The following RIMS3 variants were observed in gnomAD, a reference collection of about 807,000 sequenced individuals.
RIMS3 encodes the protein regulating synaptic membrane exocytosis 3.
RIMS3 carries 15 observed loss-of-function variants against 29.2 expected under a neutral mutation model. The ratio of observed to expected loss-of-function variants is 0.51; its 90% CI spans 0.34 to 0.79. The LOEUF (loss-of-function observed/expected upper bound fraction) is 0.79, where lower values mean the gene tolerates loss of function less well. Ranked by LOEUF, RIMS3 falls within the 30% of genes least tolerant of loss-of-function variation. The pLI, the probability that RIMS3 is intolerant of heterozygous loss-of-function variation, is 0.01. For synonymous variants in RIMS3, 161 were observed against 170.1 expected (o/e 0.95, Z 0.41); for missense variants, 342 against 421.4 (o/e 0.81, Z 1.65).
rs373378651 is a variant in RIMS3 at position 40,633,440 on chromosome 1, T to C, written c.360-259A>G. Among the ~76,000 whole-genome samples the C allele has an allele frequency of 9.4e-4, 143 of 152,380 alleles. 2 individuals are homozygous for C. The South Asian group carries it at 0.028, about 30-fold the overall frequency. On this transcript the variant is annotated intron_variant, in intron 4 of 7. Transcript: ENST00000372684. The stretch of plus-strand genomic sequence containing the variant: ...ATACATAATGATGCTATTTAATCCT[T>C]AATGTCCAGGGACTTCTGAAGTGAC...
intron 1 of RIMS3, among the ~76,000 whole-genome samples, chr1:40,658,368 C>A (rs1642300710): frequency 6.6e-6 from 1 of 152,210 alleles, no homozygotes; most frequent in South Asian, 2.1e-4. Context: ...CAATTCCAGG[C>A]CTTTTTTCTC....
At chr1:40,644,140 T>A (rs1024214111) in intron 2 of RIMS3, among the ~76,000 whole-genome samples, 2 of 152,214 alleles carry the variant, frequency 1.3e-5, no homozygotes, top group Non-Finnish European at 2.9e-5. Context: ...ACAAAGCCAG[T>A]GCTACTGTGA....
At chr1:40,671,838 C>T in the RIMS3 span, among the ~76,000 whole-genome samples, 1 of 150,736 alleles carries the variant, frequency 6.6e-6, no homozygotes, top group Admixed American at 6.6e-5. Flanking sequence ...TCTCAGCTCA[C>T]TGCAACCTCC....
chr1:40,675,313 A>AG, the RIMS3 span, among the ~76,000 whole-genome samples: 1 of 151,468 alleles, frequency 6.6e-6, no homozygotes, highest in Non-Finnish European at 1.5e-5. Context: ...AGGTGGCAGA[A>AG]GGAGTTGAAG....
intron 1 of RIMS3, among the ~76,000 whole-genome samples, chr1:40,652,359 A>G (rs1394906501): frequency 1.3e-5 from 2 of 152,162 alleles, no homozygotes; most frequent in African/African-American, 4.8e-5. Context: ...ATTTCTAAGA[A>G]ACTTCCAAGT....
At chr1:40,661,279 C>A (rs1469974608) in intron 1 of RIMS3, among the ~76,000 whole-genome samples, 1 of 152,122 alleles carries the variant, frequency 6.6e-6, no homozygotes, top group Admixed American at 6.5e-5. Flanking sequence ...ACACAGTAAG[C>A]ACTAAATAAG....
chr1:40,684,807 T>A, the RIMS3 span, among the ~76,000 whole-genome samples: 1 of 152,200 alleles, frequency 6.6e-6, no homozygotes, highest in Non-Finnish European at 1.5e-5. Context: ...CTCCCATTGA[T>A]CAGTTTGCTC....
At chr1:40,672,246 C>T in the RIMS3 span, among the ~76,000 whole-genome samples, 1,491 of 146,610 alleles carry the variant, frequency 0.01, 14 homozygotes, top group Non-Finnish European at 0.012. Flanking sequence ...TCACCCAGGC[C>T]GGACTGCAGT....
At chr1:40,649,117 A>G (rs1322936799) in intron 1 of RIMS3, among the ~76,000 whole-genome samples, 4 of 152,290 alleles carry the variant, frequency 2.6e-5, no homozygotes, top group Non-Finnish European at 4.4e-5. Flanking sequence ...GGCAGCACAC[A>G]GCGGCGGCTC....
At chr1:40,662,229 C>G (rs994141326) in intron 1 of RIMS3, among the ~76,000 whole-genome samples, 30 of 152,160 alleles carry the variant, frequency 2.0e-4, no homozygotes, top group African/African-American at 7.2e-4. Context: ...ACACTGCCCT[C>G]CCTCTACCAC....
intron 1 of RIMS3, among the ~76,000 whole-genome samples, chr1:40,657,082 C>T (rs551507853): frequency 8.5e-5 from 13 of 152,300 alleles, no homozygotes; most frequent in African/African-American, 3.1e-4. Context: ...ATTGTCATAA[C>T]GGCCACCATC....
chr1:40,647,465 C>T (rs1646603222), intron 2 of RIMS3, among the ~76,000 whole-genome samples: 1 of 152,224 alleles, frequency 6.6e-6, no homozygotes, highest in African/African-American at 2.4e-5. Context: ...CTAAAACTGA[C>T]TTGCTGTCTC....
At chr1:40,641,592 G>C in intron 3 of RIMS3, 117 bp downstream of exon 3, 2 of 971,686 alleles carry the variant, frequency 2.1e-6, no homozygotes, top group Non-Finnish European at 3.1e-6. Flanking sequence ...TATGGGAAGG[G>C]CCACAGTATA....
At position 40,636,105 on chromosome 1, in the gene RIMS3, A is replaced by G; in HGVS notation, c.218-48T>C. On this transcript the variant is annotated intron_variant, in intron 3 of 7. Transcript: ENST00000372684. The surrounding 1 kb of genome is among the most constrained non-coding windows in gnomAD (Gnocchi z 4.2). Reference sequence around the variant, plus strand: ...CACAGAGAGGGAACAAGGTCAGATTATGAATGGGGCTTCTCTAAGAGTCCT... The same window carrying G: ...CACAGAGAGGGAACAAGGTCAGATTGTGAATGGGGCTTCTCTAAGAGTCCT... The G allele has an allele frequency of 6.3e-7, 1 of 1,597,038 alleles. No individual in the cohort carries two copies. Among genetic ancestry groups the G allele is most frequent in the Non-Finnish European group, 8.5e-7 (1 of 1,177,102 alleles).
chr1:40,681,897 C>A, the RIMS3 span, among the ~76,000 whole-genome samples: 1 of 152,068 alleles, frequency 6.6e-6, no homozygotes, highest in African/African-American at 2.4e-5. Context: ...GCAGTGGTGC[C>A]ATCTTGGCTC....
the RIMS3 span, chr1:40,691,875 AGT>A: frequency 2.6e-6 from 1 of 387,128 alleles, no homozygotes; most frequent in Admixed American, 3.1e-5. Flanking sequence ...GAGGTGTGTG[AGT>A]GTGCGGGAGT....
At chr1:40,689,982 G>A in the RIMS3 span, among the ~76,000 whole-genome samples, 1 of 152,074 alleles carries the variant, frequency 6.6e-6, no homozygotes, top group Non-Finnish European at 1.5e-5. Context: ...CTTCATCTAT[G>A]CTTGAGCACT....
At chr1:40,678,832 G>A in the RIMS3 span, among the ~76,000 whole-genome samples, 2 of 152,198 alleles carry the variant, frequency 1.3e-5, no homozygotes, top group African/African-American at 4.8e-5. Flanking sequence ...GATGGCCAGA[G>A]GAACGCTGTG....
chr1:40,632,263 C>G (rs1184846456), intron 5 of RIMS3, among the ~76,000 whole-genome samples: 1 of 151,912 alleles, frequency 6.6e-6, no homozygotes, highest in Non-Finnish European at 1.5e-5. Flanking sequence ...GCATCATATA[C>G]ATGACAGTGG....
Sources: gnomAD v4.1 joint callset for allele counts (sites outside exome capture counted in the v4.1 genomes callset) on GRCh38, gnomAD v4.1.1 for gene constraint, Gnocchi (gnomAD v3.1) non-coding constraint, MANE v1.5 for transcripts, NCBI Gene and HGNC (gene_info 2026-07-23, HGNC 2026-07-21) for gene names.